PTTG1IP2: variants seen among roughly 807,000 people sequenced by gnomAD.
The protein encoded by PTTG1IP2 is PTTG1IP family member 2.
chr7:90,508,668 C>T (rs769979086), intron 6 of PTTG1IP2, among the ~76,000 whole-genome samples: 3 of 152,216 alleles, frequency 2.0e-5, no homozygotes, highest in Admixed American at 6.5e-5. Flanking sequence ...AAGGACTTTA[C>T]ATGTGTTAAC....
rs537556874 is a variant in PTTG1IP2 at position 90,498,907 on chromosome 7, A to C, written c.*50+4477A>C. ...CGCTCTGTCAGCCAGGCTGGGGTGC[A>C]GTGGCATGATCATGGCTCACTGCAG... On this transcript the variant is annotated intron_variant, in intron 6 of 6. Coordinates refer to ENST00000509356, the MANE Select transcript of PTTG1IP2 (RefSeq NM_001365443.2). 2.6e-5 allele frequency among the ~76,000 whole-genome samples: 4 copies of C among 152,246 alleles called. No homozygotes were observed. The East Asian group carries it at 7.7e-4, about 29-fold the overall frequency.
chr7:90,512,421 T>C (rs577645505), intron 6 of PTTG1IP2, among the ~76,000 whole-genome samples: 1 of 151,788 alleles, frequency 6.6e-6, no homozygotes, highest in African/African-American at 2.4e-5. Context: ...AAGACAAAAA[T>C]AGAATAAGGA....
chr7:90,505,449 A>AT (rs1312063574), intron 6 of PTTG1IP2, among the ~76,000 whole-genome samples: 2 of 152,228 alleles, frequency 1.3e-5, no homozygotes, highest in Non-Finnish European at 2.9e-5. Context: ...AGAAGCCTTT[A>AT]TGTGTCTTGG....
chr7:90,501,292 C>T (rs1272617803), intron 6 of PTTG1IP2, among the ~76,000 whole-genome samples: 1 of 152,134 alleles, frequency 6.6e-6, no homozygotes, highest in Non-Finnish European at 1.5e-5. Flanking sequence ...TTTTCCAGTG[C>T]ATATAAAAAT....
chr7:90,492,722 G>C (rs563061858), intron 5 of PTTG1IP2, among the ~76,000 whole-genome samples: 1 of 152,066 alleles, frequency 6.6e-6, no homozygotes, highest in African/African-American at 2.4e-5. Context: ...CAACCCAGTC[G>C]GAGATATTCA....
chr7:90,477,771 G>A (rs866445561), intron 1 of PTTG1IP2, among the ~76,000 whole-genome samples: 25 of 152,160 alleles, frequency 1.6e-4, no homozygotes, highest in Middle Eastern at 6.8e-3. Flanking sequence ...TTAGTTTCTT[G>A]GTTTCGATTA....
At chr7:90,482,850 G>A (rs1233829782) in intron 2 of PTTG1IP2, among the ~76,000 whole-genome samples, 1 of 152,134 alleles carries the variant, frequency 6.6e-6, no homozygotes, top group Non-Finnish European at 1.5e-5. Context: ...GATATGGATG[G>A]TTGGTTGAGA....
At chr7:90,484,383 C>A (rs1420597704) in intron 2 of PTTG1IP2, among the ~76,000 whole-genome samples, 1 of 152,010 alleles carries the variant, frequency 6.6e-6, no homozygotes, top group African/African-American at 2.4e-5. Context: ...ATTGTGATGT[C>A]CATATAAGCT....
chr7:90,490,610 A>G (rs564863525), intron 4 of PTTG1IP2, among the ~76,000 whole-genome samples: 14 of 152,262 alleles, frequency 9.2e-5, no homozygotes, highest in Admixed American at 2.6e-4. Context: ...TCTGAAACAA[A>G]CATACACATA....
intron 6 of PTTG1IP2, among the ~76,000 whole-genome samples, chr7:90,496,512 TTAAG>T (rs1241214211): frequency 2.0e-5 from 3 of 152,148 alleles, no homozygotes; most frequent in African/African-American, 7.2e-5. Flanking sequence ...CTGATTTTAT[TTAAG>T]TCTCTCTCTT....
chr7:90,497,736 AAAAAAAAAG>A (rs1798012102), intron 6 of PTTG1IP2, among the ~76,000 whole-genome samples: 1 of 146,878 alleles, frequency 6.8e-6, no homozygotes, highest in Non-Finnish European at 1.5e-5. Context: ...AAAAAAAAAA[AAAAAAAAAG>A]AAGAAGAAGA....
chr7:90,494,169 C>T (rs1158491370), intron 5 of PTTG1IP2, 198 bp from the exon 6 acceptor site: 1 of 152,106 alleles, frequency 6.6e-6, no homozygotes, highest in Non-Finnish European at 1.5e-5. Flanking sequence ...CTGATCTTTT[C>T]CTTTTTGTCA....
At chr7:90,510,172 G>T (rs1273184702) in intron 6 of PTTG1IP2, among the ~76,000 whole-genome samples, 1 of 152,162 alleles carries the variant, frequency 6.6e-6, no homozygotes, top group African/African-American at 2.4e-5. Flanking sequence ...GAAGGGCGGG[G>T]ACCACTGTGC....
chr7:90,508,178 G>A (rs372012000), intron 6 of PTTG1IP2, among the ~76,000 whole-genome samples: 8 of 150,230 alleles, frequency 5.3e-5, no homozygotes, highest in South Asian at 2.1e-4. Flanking sequence ...GAGGTGCAAC[G>A]ATTGCTTCAG....
At chr7:90,502,493 G>T (rs1160883595) in intron 6 of PTTG1IP2, among the ~76,000 whole-genome samples, 2 of 152,136 alleles carry the variant, frequency 1.3e-5, no homozygotes, top group Admixed American at 6.5e-5. Flanking sequence ...TCCATCAGAG[G>T]AATCACTATT....
At chr7:90,479,761 T>C (rs2285538) in intron 2 of PTTG1IP2, among the ~76,000 whole-genome samples, 30,364 of 152,148 alleles carry the variant, frequency 0.2, 3,605 homozygotes, top group East Asian at 0.55. Flanking sequence ...CTATAAGTTA[T>C]GAGGGAAATG....
intron 1 of PTTG1IP2, among the ~76,000 whole-genome samples, chr7:90,472,129 A>G (rs1046267845): frequency 1.3e-5 from 2 of 152,166 alleles, no homozygotes; most frequent in Non-Finnish European, 2.9e-5. Flanking sequence ...GGATCATGGT[A>G]AGGTGGTTAG....
chr7:90,485,837 C>G (rs1584693957), intron 2 of PTTG1IP2, among the ~76,000 whole-genome samples: 1 of 152,124 alleles, frequency 6.6e-6, no homozygotes, highest in East Asian at 1.9e-4. Flanking sequence ...CAATTCATTT[C>G]CCTTAAAACC....
At chr7:90,497,744 A>AAAAAAAAAAAAAAAAAAAAAAAAAAAAAG (rs1562988278) in intron 6 of PTTG1IP2, among the ~76,000 whole-genome samples, 1 of 132,408 alleles carries the variant, frequency 7.6e-6, no homozygotes, top group African/African-American at 3.2e-5. Flanking sequence ...AAAAAAAAAA[A>AAAAAAAAAAAAAAAAAAAAAAAAAAAAAG]GAAGAAGAAG....
Sources: allele counts gnomAD v4.1 joint callset (sites outside exome capture counted in the v4.1 genomes callset), GRCh38; gene constraint gnomAD v4.1.1; transcripts MANE v1.5; gene names NCBI Gene and HGNC (gene_info 2026-07-23, HGNC 2026-07-21).